Variants in EFNA5 observed in about 807,000 individuals in gnomAD.
EFNA5 encodes the protein ephrin A5.
EFNA5 carries 5 observed loss-of-function variants against 22.9 expected under a neutral mutation model. That is an observed-to-expected ratio of 0.22 (90% CI 0.11 to 0.46). EFNA5 has a LOEUF of 0.46. Ranked by LOEUF, EFNA5 falls within the 20% of genes least tolerant of loss-of-function variation. The pLI is 0.99. For synonymous variants in EFNA5, 113 were observed against 112.2 expected (o/e 1.01, Z -0.04); for missense variants, 237 against 293.3 (o/e 0.81, Z 1.40).
chr5:107,405,021 G>C (rs1748172098), intron 2 of EFNA5, among the ~76,000 whole-genome samples: 1 of 152,114 alleles, frequency 6.6e-6, no homozygotes, highest in African/African-American at 2.4e-5. Context: ...GCTACAGTAG[G>C]ACTTTATGAT....
At chr5:107,455,699 A>T (rs1003101668) in intron 1 of EFNA5, among the ~76,000 whole-genome samples, 1 of 152,164 alleles carries the variant, frequency 6.6e-6, no homozygotes, top group Non-Finnish European at 1.5e-5. Flanking sequence ...CTCTTATTTC[A>T]TCTCCTTAGG....
At chr5:107,440,642 TG>T (rs1271886620) in intron 1 of EFNA5, among the ~76,000 whole-genome samples, 7 of 152,226 alleles carry the variant, frequency 4.6e-5, no homozygotes, top group African/African-American at 1.7e-4. Flanking sequence ...TACTCAGTAG[TG>T]CAATCCCAGA....
chr5:107,494,133 C>A (rs1245427311), intron 1 of EFNA5, among the ~76,000 whole-genome samples: 7 of 152,374 alleles, frequency 4.6e-5, no homozygotes, highest in Admixed American at 3.3e-4. Flanking sequence ...TCTGCCTGGG[C>A]TCCCACTTTG....
intron 1 of EFNA5, among the ~76,000 whole-genome samples, chr5:107,524,330 T>G (rs1018433588): frequency 6.6e-6 from 1 of 152,200 alleles, no homozygotes; most frequent in Admixed American, 6.5e-5. Context: ...ATATTAATAA[T>G]GGCAAAACAT....
chr5:107,421,013 T>C (rs1748643156), intron 2 of EFNA5, among the ~76,000 whole-genome samples: 2 of 152,198 alleles, frequency 1.3e-5, no homozygotes, highest in African/African-American at 4.8e-5. Context: ...GTTTTACTAG[T>C]TTTACTGAAT....
At chr5:107,596,609 C>G (rs1749478106) in intron 1 of EFNA5, among the ~76,000 whole-genome samples, 1 of 151,868 alleles carries the variant, frequency 6.6e-6, no homozygotes, top group Non-Finnish European at 1.5e-5. Context: ...GATGACTTTC[C>G]TTTTTTAAAA....
intron 1 of EFNA5, among the ~76,000 whole-genome samples, chr5:107,667,207 G>C (rs1346437424): frequency 6.6e-6 from 1 of 152,004 alleles, no homozygotes; most frequent in Non-Finnish European, 1.5e-5. Context: ...TGATAGTTCT[G>C]AGTGGCTATT....
In EFNA5 at chr5:107,517,884, G is replaced by C. The variant is rs377577174; in HGVS notation, c.126-90375C>G. ...TAAAAGCGTTTTTGTCTACTCAATTGTCAGGGTCAAAGTAGAATTGGGTTG... is the reference window on the plus strand; with the variant it reads ...TAAAAGCGTTTTTGTCTACTCAATTCTCAGGGTCAAAGTAGAATTGGGTTG... On this transcript the variant is annotated intron_variant, in intron 1 of 4. Coordinates refer to ENST00000333274, the MANE Select transcript of EFNA5 (RefSeq NM_001962.3). Among the ~76,000 whole-genome samples, 118 of 152,258 alleles carry C rather than the reference G, an allele frequency of 7.7e-4. 1 individual carries two copies. The South Asian group carries it at 0.01, about 13-fold the overall frequency.
chr5:107,605,327 C>G (rs1749691191), intron 1 of EFNA5, among the ~76,000 whole-genome samples: 1 of 152,120 alleles, frequency 6.6e-6, no homozygotes, highest in East Asian at 1.9e-4. Context: ...TAACTCAGCA[C>G]ATTAATGACA....
chr5:107,396,751 A>G (rs1181883255), intron 2 of EFNA5, among the ~76,000 whole-genome samples: 1 of 152,178 alleles, frequency 6.6e-6, no homozygotes, highest in Non-Finnish European at 1.5e-5. Context: ...GAGGATGTGC[A>G]CTGAGGCTGA....
At chr5:107,598,801 T>C (rs952793560) in intron 1 of EFNA5, among the ~76,000 whole-genome samples, 2 of 152,226 alleles carry the variant, frequency 1.3e-5, no homozygotes, top group Admixed American at 1.3e-4. Context: ...ACATGCCGAA[T>C]GATCTAAATG....
At chr5:107,454,189 T>C (rs147800160) in intron 1 of EFNA5, among the ~76,000 whole-genome samples, 1 of 152,304 alleles carries the variant, frequency 6.6e-6, no homozygotes, top group African/African-American at 2.4e-5. Flanking sequence ...TCATATTTTG[T>C]CACTGAAAAT....
At chr5:107,527,956 T>C (rs1747732117) in intron 1 of EFNA5, among the ~76,000 whole-genome samples, 2 of 152,122 alleles carry the variant, frequency 1.3e-5, no homozygotes, top group Non-Finnish European at 2.9e-5. Context: ...ATCCCAAACA[T>C]TCTCTACAAA....
chr5:107,630,264 A>G (rs533339147), intron 1 of EFNA5, among the ~76,000 whole-genome samples: 4 of 152,304 alleles, frequency 2.6e-5, no homozygotes, highest in African/African-American at 9.6e-5. Flanking sequence ...AAATGTTCTG[A>G]GAAATCATTA....
In EFNA5 at chr5:107,387,706, T is replaced by C. The variant is rs1250324748; in HGVS notation, c.484A>G (p.Asn162Asp). Residue 162 changes from asparagine (N) to aspartate (D), a missense_variant and splice_region_variant, in exon 3 of 5, where the codon AAT becomes GAT. Physicochemically the swap from Asn to Asp is conservative, Grantham distance 23 (BLOSUM62 1). This residue lies in a region of EFNA5 where 104 missense variants were observed against 114.5 expected (regional missense o/e 0.91). Coordinates refer to ENST00000333274, the MANE Select transcript of EFNA5 (RefSeq NM_001962.3). Reference protein sequence around the residue: ...LKLKVFVRPTNSCMKTIGVHD... With the variant: ...LKLKVFVRPTDSCMKTIGVHD... ...CTGAAGCTCATTCTAGTGAACTTAC[T>C]TGTTGGTCTCACAAAGACTTTGAGC... 6.2e-7 allele frequency: 1 copy of C among 1,609,782 alleles called. No individual in the cohort carries two copies. Among genetic ancestry groups the C allele is most frequent in the Non-Finnish European group, 8.5e-7 (1 of 1,176,778 alleles).
At chr5:107,398,239 A>T (rs1020070755) in intron 2 of EFNA5, among the ~76,000 whole-genome samples, 1 of 151,978 alleles carries the variant, frequency 6.6e-6, no homozygotes, top group South Asian at 2.1e-4. Flanking sequence ...TTCTCATGTG[A>T]CCTTTCCTTT....
intron 1 of EFNA5, among the ~76,000 whole-genome samples, chr5:107,561,081 C>G (rs1748531597): frequency 6.6e-6 from 1 of 152,164 alleles, no homozygotes; most frequent in Non-Finnish European, 1.5e-5. Context: ...TCCCTGTTCA[C>G]TATCCTAGGT....
chr5:107,384,286 C>CA (rs1747550433), intron 4 of EFNA5, among the ~76,000 whole-genome samples: 1 of 152,180 alleles, frequency 6.6e-6, no homozygotes, highest in Non-Finnish European at 1.5e-5. Flanking sequence ...CTCCTGGCTA[C>CA]AGGATTCCAC....
intron 1 of EFNA5, among the ~76,000 whole-genome samples, chr5:107,570,085 A>G (rs1170642524): frequency 1.3e-5 from 2 of 152,094 alleles, no homozygotes; most frequent in East Asian, 3.9e-4. Context: ...TTTAACACCA[A>G]ACTCTGAGGA....
Sources: gnomAD v4.1 joint callset for allele counts (sites outside exome capture counted in the v4.1 genomes callset) on GRCh38, gnomAD v4.1.1 for gene constraint, gnomAD v4.1.1 regional missense constraint, MANE v1.5 for transcripts, NCBI Gene and HGNC (gene_info 2026-07-23, HGNC 2026-07-21) for gene names.